Variants in COL28A1 observed in about 807,000 individuals in gnomAD.
COL28A1 encodes the protein collagen type XXVIII alpha 1 chain, also known as collagen alpha-1(XXVIII) chain.
COL28A1 carries 161 observed loss-of-function variants against 150.2 expected under a neutral mutation model. The observed-to-expected ratio is 1.07, with a 90% confidence interval of 0.94 to 1.22. The LOEUF is 1.22. Ranked by LOEUF, COL28A1 falls within the 50% of genes most tolerant of loss-of-function variation. The pLI, the probability that COL28A1 is intolerant of heterozygous loss-of-function variation, is 0.00. For synonymous variants in COL28A1, 552 were observed against 469.7 expected, an observed-to-expected ratio of 1.18 and a Z score of -2.26; for missense variants, 1,617 against 1,388.3, an observed-to-expected ratio of 1.16 and a Z score of -2.62.
chr7:7,429,858 TTC>T, intron 25 of COL28A1, among the ~76,000 whole-genome samples: 1 of 152,272 alleles, frequency 6.6e-6, no homozygotes, highest in Admixed American at 6.5e-5. Flanking sequence ...GGACTGCCGC[TTC>T]CACTCAGCCT....
chr7:7,514,802 G>A (rs17168368), intron 8 of COL28A1, among the ~76,000 whole-genome samples: 15,734 of 152,154 alleles, frequency 0.1, 876 homozygotes, highest in Middle Eastern at 0.21. Context: ...GAGCACACAC[G>A]TGAAGATGCC....
At chr7:7,353,133 T>C (rs1780268635), downstream of COL28A1, among the ~76,000 whole-genome samples, 2 of 152,216 alleles carry the variant, frequency 1.3e-5, no homozygotes, top group South Asian at 4.1e-4. Flanking sequence ...AATCCTTTCC[T>C]GGCCTCCCAC....
At chr7:7,367,988 T>C (rs1268763615) in intron 33 of COL28A1, among the ~76,000 whole-genome samples, 4 of 152,070 alleles carry the variant, frequency 2.6e-5, no homozygotes, top group Admixed American at 2.6e-4. Flanking sequence ...GAAATGGCTT[T>C]TCAATCTGTG....
chr7:7,375,289 TC>T (rs1327964944), intron 31 of COL28A1, among the ~76,000 whole-genome samples, 171 bp downstream of exon 31: 1 of 152,184 alleles, frequency 6.6e-6, no homozygotes, highest in Non-Finnish European at 1.5e-5. Flanking sequence ...ACATCAGGAT[TC>T]CCACAGTCTC....
chr7:7,383,229 AAAT>A (rs1781962713), intron 27 of COL28A1, among the ~76,000 whole-genome samples: 1 of 150,714 alleles, frequency 6.6e-6, no homozygotes, highest in Non-Finnish European at 1.5e-5. Flanking sequence ...CTACATTTCA[AAAT>A]AATACATCTT....
intron 25 of COL28A1, among the ~76,000 whole-genome samples, chr7:7,420,730 T>C (rs898347067): frequency 2.0e-5 from 3 of 152,228 alleles, no homozygotes; most frequent in African/African-American, 7.2e-5. Context: ...CAGAATTAAG[T>C]GAGACAAAGC....
At chr7:7,435,220 TAG>T (rs1251168684) in intron 23 of COL28A1, among the ~76,000 whole-genome samples, 3 of 152,278 alleles carry the variant, frequency 2.0e-5, no homozygotes, top group East Asian at 1.9e-4. Context: ...GAAGTATATG[TAG>T]AGAGAGATGT....
downstream of COL28A1, chr7:7,356,445 G>T (rs910451725): frequency 6.6e-6 from 1 of 152,120 alleles, no homozygotes. Context: ...GTGTTCACTG[G>T]TGTTCATCTT....
Position 7,383,682 on chromosome 7 carries a change from G to GTGTATATATATA in COL28A1, c.2137-2071_2137-2070insTATATATATACA, listed in dbSNP as rs1554262302. Among the ~76,000 whole-genome samples the GTGTATATATATA allele has an allele frequency of 9.3e-4, 115 of 124,080 alleles. 1 individual carries two copies. The highest frequency in any genetic ancestry group is 2.5e-3 in the African/African-American group (82 of 32,978). The allele number at this position is 124,080 out of a possible 152,430, so 81.4% of individuals were successfully genotyped here. A position where few individuals can be genotyped will look rare whatever the true frequency, so the allele number is the denominator to read the frequency against. The stretch of plus-strand genomic sequence containing the variant: ...ATTTGAAATTTGTGTGTGTGTGTGT[G>GTGTATATATATA]TATATATATATATATATATATGTAT... On this transcript the variant is annotated intron_variant, in intron 27 of 34. Coordinates refer to ENST00000399429, the MANE Select transcript of COL28A1 (RefSeq NM_001037763.3).
intron 5 of COL28A1, 45 bp downstream of exon 5, chr7:7,521,860 T>C (rs1361360720): frequency 2.3e-6 from 2 of 861,896 alleles, no homozygotes; most frequent in Non-Finnish European, 4.1e-6. Flanking sequence ...AGAGCTATCA[T>C]TGCTAGGACT....
At chr7:7,420,951 A>C (rs1784365531) in intron 25 of COL28A1, among the ~76,000 whole-genome samples, 1 of 152,246 alleles carries the variant, frequency 6.6e-6, no homozygotes, top group Non-Finnish European at 1.5e-5. Context: ...AAGGTTCAAC[A>C]TAAATTTGCC....
rs869141497 is a variant in COL28A1 at position 7,492,586 on chromosome 7, T to TA, written c.1027-1941dup. On this transcript the variant is annotated intron_variant, in intron 11 of 34. Transcript: ENST00000399429. ...GGCAACAGAGTGAGACTCCGTCTGT[T>TA]AAAAAAAAAAAAAAAAAAAAAAAAA... 9.4e-4 allele frequency among the ~76,000 whole-genome samples: 89 copies of TA among 94,678 alleles called. 1 individual carries two copies. Among genetic ancestry groups the TA allele is most frequent in the Non-Finnish European group, 1.1e-3 (54 of 51,424 alleles). 62.1% of individuals were successfully genotyped at this position (94,678 alleles called of 152,430 possible).
rs538105538 is a variant in COL28A1, at chr7:7,482,871, T to C, written c.1165-5691A>G. ...AACTCTAGCATATAAGTTAAGCATCTTAGGTAAGCATCTAAGCTGGTGCTA... is the reference window on the plus strand; with the variant it reads ...AACTCTAGCATATAAGTTAAGCATCCTAGGTAAGCATCTAAGCTGGTGCTA... On this transcript the variant is annotated intron_variant, in intron 13 of 34. Coordinates refer to ENST00000399429, the MANE Select transcript of COL28A1 (RefSeq NM_001037763.3). Among the ~76,000 whole-genome samples the C allele has an allele frequency of 3.7e-4, 57 of 152,316 alleles. No homozygotes were observed. In the South Asian group the frequency reaches 0.012, roughly 32 times the overall value.
At chr7:7,378,624 A>G (rs1024949356) in intron 30 of COL28A1, among the ~76,000 whole-genome samples, 4 of 152,174 alleles carry the variant, frequency 2.6e-5, no homozygotes, top group African/African-American at 9.7e-5. Flanking sequence ...GGGGGAGAGG[A>G]AAGAGGCCTT....
At chr7:7,431,145 A>G (rs1221306499) in intron 25 of COL28A1, 1 of 153,224 alleles carries the variant, frequency 6.5e-6, no homozygotes, top group African/African-American at 2.4e-5. Context: ...AGCACGTACA[A>G]CATCTTTTCT....
intron 12 of COL28A1, 35 bp from the exon 13 acceptor site, chr7:7,489,492 AT>A: frequency 1.1e-6 from 1 of 941,232 alleles, no homozygotes; most frequent in South Asian, 1.3e-5. Context: ...AAAGCTTGAG[AT>A]TTTAAATAAA....
rs190834795 is a variant in COL28A1, at chr7:7,436,255, A to T, written c.1860+140T>A. 3.8e-3 allele frequency: 2,480 copies of T among 649,846 alleles called. 9 individuals carry two copies. Among genetic ancestry groups the T allele is most frequent in the Non-Finnish European group, 4.2e-3 (1,531 of 364,536 alleles). The allele number at this position is 649,846 out of a possible 1,614,324, so 40.3% of individuals were successfully genotyped here. A position where few individuals can be genotyped will look rare whatever the true frequency, so the allele number is the denominator to read the frequency against. On this transcript the variant is annotated intron_variant, in intron 23 of 34. Coordinates refer to ENST00000399429, the MANE Select transcript of COL28A1 (RefSeq NM_001037763.3). The stretch of plus-strand genomic sequence containing the variant: ...AAACTATGTGATTGCTTGTTTTTTT[A>T]AAAAAAGGGAATAGCTATATTCTTA...
At chr7:7,375,558 C>T (rs1781496991) in intron 30 of COL28A1, 61 bp from the exon 31 acceptor site, 1 of 1,101,300 alleles carries the variant, frequency 9.1e-7, no homozygotes, top group Non-Finnish European at 1.3e-6. Flanking sequence ...TTCCTAGAGC[C>T]ATAAAAGATA....
At chr7:7,413,692 C>G (rs1294583598) in intron 27 of COL28A1, among the ~76,000 whole-genome samples, 1 of 152,176 alleles carries the variant, frequency 6.6e-6, no homozygotes, top group Non-Finnish European at 1.5e-5. Context: ...AAGAAAATCA[C>G]CCACCAACCA....
Sources: gnomAD v4.1 joint callset for allele counts (sites outside exome capture counted in the v4.1 genomes callset) on GRCh38, gnomAD v4.1.1 for gene constraint, MANE v1.5 for transcripts, NCBI Gene and HGNC (gene_info 2026-07-23, HGNC 2026-07-21) for gene names.